LRRTM4: variants seen among roughly 807,000 people sequenced by gnomAD.
LRRTM4 encodes the protein leucine rich repeat transmembrane neuronal 4, also known as leucine-rich repeat transmembrane neuronal protein 4.
A neutral mutation model predicts 47.6 loss-of-function variants in LRRTM4; 25 were observed. That is an observed-to-expected ratio of 0.53 (90% CI 0.38 to 0.73). The LOEUF (loss-of-function observed/expected upper bound fraction) is 0.73, where lower values mean the gene tolerates loss of function less well. Among genes scored for constraint, LRRTM4 ranks in the 30% least tolerant of loss-of-function variants. The pLI is 0.00. For synonymous variants in LRRTM4, 311 were observed against 269.5 expected (o/e 1.15, Z -1.51); for missense variants, 638 against 713.4 (o/e 0.89, Z 1.20).
At chr2:76,998,680 C>T (rs1004755984) in intron 3 of LRRTM4, among the ~76,000 whole-genome samples, 30 of 151,582 alleles carry the variant, frequency 2.0e-4, no homozygotes, top group African/African-American at 7.0e-4. Flanking sequence ...AGAAAAAAAA[C>T]CCAAAAAAAC....
chr2:77,003,400 C>T (rs1337199796), intron 3 of LRRTM4, among the ~76,000 whole-genome samples: 8 of 152,012 alleles, frequency 5.3e-5, no homozygotes, highest in Non-Finnish European at 8.8e-5. Flanking sequence ...ATAATCCCCA[C>T]GTGTTGTAGG....
intron 3 of LRRTM4, among the ~76,000 whole-genome samples, chr2:76,935,009 ATGC>A (rs1674894676): frequency 6.6e-6 from 1 of 152,100 alleles, no homozygotes; most frequent in African/African-American, 2.4e-5. Context: ...TTAATTAAAT[ATGC>A]TGATTATCGA....
intron 3 of LRRTM4, among the ~76,000 whole-genome samples, chr2:77,162,011 T>C (rs964993692): frequency 6.6e-6 from 1 of 152,138 alleles, no homozygotes; most frequent in Non-Finnish European, 1.5e-5. Flanking sequence ...ACCGGGTTCA[T>C]CTCACTGAGG....
intron 3 of LRRTM4, among the ~76,000 whole-genome samples, chr2:77,374,194 T>C (rs1672749434): frequency 6.6e-6 from 1 of 151,572 alleles, no homozygotes; most frequent in Non-Finnish European, 1.5e-5. Context: ...CTGTAGAAAA[T>C]AAAAGACTGA....
intron 3 of LRRTM4, among the ~76,000 whole-genome samples, chr2:76,849,711 A>C (rs1671936712): frequency 6.6e-6 from 1 of 152,096 alleles, no homozygotes; most frequent in South Asian, 2.1e-4. Context: ...AATTCCTTTA[A>C]AACAAATGCT....
At chr2:77,492,532 T>C (rs1678208653) in intron 3 of LRRTM4, among the ~76,000 whole-genome samples, 1 of 152,156 alleles carries the variant, frequency 6.6e-6, no homozygotes, top group Non-Finnish European at 1.5e-5. Flanking sequence ...GTTCTGGAGT[T>C]ACAAGTGTGA....
chr2:76,759,289 A>G (rs1302219115), intron 3 of LRRTM4, among the ~76,000 whole-genome samples: 1 of 152,154 alleles, frequency 6.6e-6, no homozygotes, highest in Admixed American at 6.5e-5. Flanking sequence ...TGCAGATTTC[A>G]CTGTGAAGAT....
chr2:76,968,357 T>TAC (rs1345433102), intron 3 of LRRTM4, among the ~76,000 whole-genome samples: 1 of 114,984 alleles, frequency 8.7e-6, no homozygotes, highest in Non-Finnish European at 1.9e-5. Context: ...TATATATATA[T>TAC]ATATATATAT....
At chr2:77,429,422 C>G (rs1047607528) in intron 3 of LRRTM4, among the ~76,000 whole-genome samples, 1 of 151,936 alleles carries the variant, frequency 6.6e-6, no homozygotes, top group Non-Finnish European at 1.5e-5. Context: ...CAGCATTATT[C>G]GCAATAGCCA....
intron 3 of LRRTM4, among the ~76,000 whole-genome samples, chr2:77,138,083 A>C (rs986989106): frequency 6.6e-6 from 1 of 152,168 alleles, no homozygotes; most frequent in Admixed American, 6.5e-5. Context: ...GAAAGTTAAC[A>C]AGGATATCCA....
intron 3 of LRRTM4, among the ~76,000 whole-genome samples, chr2:76,969,265 TTATTC>T (rs1187912265): frequency 6.6e-6 from 1 of 151,970 alleles, no homozygotes; most frequent in African/African-American, 2.4e-5. Flanking sequence ...AAATTAAACT[TTATTC>T]TATCTTGTAT....
chr2:77,477,897 GAAAGAA>G lies in LRRTM4; in HGVS notation c.1551+40415_1551+40420del, dbSNP rs1164326741. Among the ~76,000 whole-genome samples the G allele has an allele frequency of 2.3e-3, 168 of 72,250 alleles. 1 individual carries two copies. Among genetic ancestry groups the G allele is most frequent in the Admixed American group, 0.018 (98 of 5,516 alleles). The allele number at this position is 72,250 out of a possible 152,430, so 47.4% of individuals were successfully genotyped here. A position where few individuals can be genotyped will look rare whatever the true frequency, so the allele number is the denominator to read the frequency against. ...AGAAAGAAAGAGAAAGAAAGAAAAA[GAAAGAA>G]AAAGAAAGAAAGAAAGAAAGAAAGA... is the stretch of plus-strand genomic sequence containing the variant. On this transcript the variant is annotated intron_variant, in intron 3 of 3. Coordinates refer to ENST00000409884, the MANE Select transcript of LRRTM4 (RefSeq NM_001134745.3).
chr2:76,793,288 G>A (rs1040315537), intron 3 of LRRTM4, among the ~76,000 whole-genome samples: 15 of 152,162 alleles, frequency 9.9e-5, no homozygotes, highest in African/African-American at 2.7e-4. Flanking sequence ...TACCAAGGGT[G>A]TGGGTCATGG....
intron 3 of LRRTM4, among the ~76,000 whole-genome samples, chr2:77,240,338 T>C (rs1675222659): frequency 6.6e-6 from 1 of 151,994 alleles, no homozygotes; most frequent in African/African-American, 2.4e-5. Flanking sequence ...AATATGCATA[T>C]GCCAAGTTAA....
At chr2:77,093,792 TG>T (rs1670725685) in intron 3 of LRRTM4, among the ~76,000 whole-genome samples, 1 of 151,870 alleles carries the variant, frequency 6.6e-6, no homozygotes, top group South Asian at 2.1e-4. Context: ...CCTTAACTGA[TG>T]ACATTCCACC....
intron 3 of LRRTM4, among the ~76,000 whole-genome samples, chr2:76,961,451 GT>G (rs1675857740): frequency 6.6e-6 from 1 of 151,062 alleles, no homozygotes; most frequent in African/African-American, 2.4e-5. Flanking sequence ...CTCTGCTAAT[GT>G]GAGGAATGCT....
At chr2:76,842,932 T>C (rs142717930) in intron 3 of LRRTM4, among the ~76,000 whole-genome samples, 1,817 of 152,240 alleles carry the variant, frequency 0.012, 42 homozygotes, top group African/African-American at 0.042. Context: ...TTTTTGTAAA[T>C]ATATAGTTGG....
chr2:76,785,347 C>T (rs1558651362), intron 3 of LRRTM4, among the ~76,000 whole-genome samples: 1 of 152,024 alleles, frequency 6.6e-6, no homozygotes, highest in Non-Finnish European at 1.5e-5. Context: ...AAGGATTAAG[C>T]AAAATAGAGC....
intron 3 of LRRTM4, among the ~76,000 whole-genome samples, chr2:76,895,658 G>A (rs207461875): frequency 9.9e-5 from 15 of 152,060 alleles, no homozygotes; most frequent in East Asian, 1.9e-4. Flanking sequence ...TTCAGGTTGC[G>A]CAACTAAGAC....
Sources: allele counts gnomAD v4.1 joint callset (sites outside exome capture counted in the v4.1 genomes callset), GRCh38; gene constraint gnomAD v4.1.1; transcripts MANE v1.5; gene names NCBI Gene and HGNC (gene_info 2026-07-23, HGNC 2026-07-21).